The following FHIT variants were observed in gnomAD, a reference collection of about 807,000 sequenced individuals.
The protein encoded by FHIT is fragile histidine triad diadenosine triphosphatase, also known as bis(5'-adenosyl)-triphosphatase.
FHIT carries 19 observed loss-of-function variants against 17.9 expected under a neutral mutation model. The observed-to-expected ratio is 1.06, with a 90% CI of 0.74 to 1.56. The LOEUF (loss-of-function observed/expected upper bound fraction) is 1.56, where lower values mean the gene tolerates loss of function less well. FHIT is among the 40% of genes most tolerant of loss of function. The probability of loss-of-function intolerance (pLI) is 0.00; values close to 1 mark genes in which losing one functional copy is unlikely to be tolerated. For synonymous variants in FHIT, 81 were observed against 69.7 expected (o/e 1.16, Z -0.81); for missense variants, 248 against 189.2 (o/e 1.31, Z -1.82).
intron 2 of FHIT, among the ~76,000 whole-genome samples, chr3:61,067,480 C>T (rs1559956176): frequency 6.6e-6 from 1 of 151,688 alleles, no homozygotes; most frequent in Admixed American, 6.6e-5. Context: ...TAAAGTATTG[C>T]CAACCCAAGA....
chr3:61,250,276 G>GGA (rs1560111900), intron 1 of FHIT, among the ~76,000 whole-genome samples: 1 of 152,242 alleles, frequency 6.6e-6, no homozygotes, highest in African/African-American at 2.4e-5. Context: ...AGCCAAGGAG[G>GGA]GAGAGTTCAG....
At chr3:60,999,620 G>T (rs1343182361) in intron 3 of FHIT, among the ~76,000 whole-genome samples, 1 of 151,614 alleles carries the variant, frequency 6.6e-6, no homozygotes, top group African/African-American at 2.4e-5. Context: ...TAAGGTCCTG[G>T]GAAACAGATT....
intron 1 of FHIT, among the ~76,000 whole-genome samples, chr3:61,229,671 G>A (rs1186299731): frequency 6.6e-6 from 1 of 152,132 alleles, no homozygotes; most frequent in African/African-American, 2.4e-5. Flanking sequence ...TGTCAAACGT[G>A]CAGCACAGGG....
intron 5 of FHIT, among the ~76,000 whole-genome samples, chr3:60,142,157 A>C (rs886803002): frequency 4.6e-5 from 7 of 152,184 alleles, no homozygotes; most frequent in Non-Finnish European, 1.0e-4. Context: ...AGAATGTAAG[A>C]TCTAAAGCCA....
chr3:60,030,069 T>C (rs1251380121), intron 5 of FHIT, among the ~76,000 whole-genome samples: 1 of 152,084 alleles, frequency 6.6e-6, no homozygotes, highest in African/African-American at 2.4e-5. Context: ...TGTGACTCCA[T>C]TTGATTCTGA....
At chr3:60,741,344 T>G (rs1176661642) in intron 4 of FHIT, among the ~76,000 whole-genome samples, 1 of 152,200 alleles carries the variant, frequency 6.6e-6, no homozygotes, top group Admixed American at 6.5e-5. Flanking sequence ...CAATCGAGTT[T>G]AAGGAGTTTG....
At chr3:60,047,378 T>G (rs183171732) in intron 5 of FHIT, among the ~76,000 whole-genome samples, 65 of 152,284 alleles carry the variant, frequency 4.3e-4, no homozygotes, top group Non-Finnish European at 8.5e-4. Flanking sequence ...CATATGGACA[T>G]TTACACATAT....
Position 60,561,040 on chromosome 3 carries a change from C to T in FHIT, c.-17-24061G>A, listed in dbSNP as rs368882951. On this transcript the variant is annotated intron_variant, in intron 4 of 9. Transcript: ENST00000492590. ...ATAATTGATACCCAACAAACATCAG[C>T]TGAATGAACAAATGGATTCATTCAT... Among the ~76,000 whole-genome samples the T allele has an allele frequency of 2.1e-3, 325 of 152,128 alleles. 2 individuals carry two copies. Among genetic ancestry groups the T allele is most frequent in the Middle Eastern group, 6.8e-3 (2 of 294 alleles).
chr3:59,929,363 GTTT>G (rs869243844), intron 7 of FHIT, among the ~76,000 whole-genome samples: 16 of 67,060 alleles, frequency 2.4e-4, no homozygotes, highest in Admixed American at 7.3e-4. Context: ...TGTTTTTTTG[GTTT>G]TTTTTTTTTT....
intron 8 of FHIT, among the ~76,000 whole-genome samples, chr3:59,905,637 CTA>C (rs1704551729): frequency 6.6e-6 from 1 of 152,118 alleles, no homozygotes; most frequent in Non-Finnish European, 1.5e-5. Context: ...TCAATAGACT[CTA>C]TGAGACTTAA....
intron 8 of FHIT, among the ~76,000 whole-genome samples, chr3:59,803,152 G>A (rs899555915): frequency 2.0e-5 from 3 of 152,064 alleles, no homozygotes; most frequent in East Asian, 3.9e-4. Flanking sequence ...TTAAAAGCTG[G>A]CAAAACACAT....
intron 5 of FHIT, among the ~76,000 whole-genome samples, chr3:60,070,565 T>C (rs1382130917): frequency 6.6e-6 from 1 of 151,070 alleles, no homozygotes; most frequent in South Asian, 2.1e-4. Context: ...GCTGGGTAGA[T>C]TAGGGAAGAC....
chr3:60,718,018 C>G (rs1322118531), intron 4 of FHIT, among the ~76,000 whole-genome samples: 1 of 152,118 alleles, frequency 6.6e-6, no homozygotes, highest in Non-Finnish European at 1.5e-5. Flanking sequence ...CCATAGTTTT[C>G]TGTTGTTATA....
chr3:59,750,614 G>C (rs1476100562), intron 9 of FHIT: 5 of 224,116 alleles, frequency 2.2e-5, no homozygotes, highest in African/African-American at 6.7e-5. Flanking sequence ...GTGCAGAGCT[G>C]ACAAACTTAT....
intron 5 of FHIT, among the ~76,000 whole-genome samples, chr3:60,148,904 C>G (rs1700348620): frequency 6.6e-6 from 1 of 152,178 alleles, no homozygotes; most frequent in African/African-American, 2.4e-5. Context: ...CTAATTTTCA[C>G]TCTGCTGTCC....
At chr3:61,200,566 T>A (rs1055771780) in intron 2 of FHIT, 51 bp downstream of exon 2, 1 of 152,550 alleles carries the variant, frequency 6.6e-6, no homozygotes, top group Non-Finnish European at 1.5e-5. Context: ...AAAAGAAAAA[T>A]CAATGTTGTA....
chr3:60,149,267 C>A (rs1700361756), intron 5 of FHIT, among the ~76,000 whole-genome samples: 1 of 151,726 alleles, frequency 6.6e-6, no homozygotes, highest in Admixed American at 6.6e-5. Context: ...AACTAGAACT[C>A]AAAGAGAGAA....
At chr3:60,289,432 A>G (rs1707878869) in intron 5 of FHIT, among the ~76,000 whole-genome samples, 1 of 152,212 alleles carries the variant, frequency 6.6e-6, no homozygotes, top group Non-Finnish European at 1.5e-5. Context: ...CCATGGCTCA[A>G]AGATCCTTGT....
chr3:60,390,856 TA>T (rs939627247), intron 5 of FHIT, among the ~76,000 whole-genome samples: 59 of 150,186 alleles, frequency 3.9e-4, no homozygotes, highest in African/African-American at 1.2e-3. Flanking sequence ...GTCAGAAAGC[TA>T]AAAAAAAAAT....
Sources: allele counts gnomAD v4.1 joint callset (sites outside exome capture counted in the v4.1 genomes callset), GRCh38; gene constraint gnomAD v4.1.1; transcripts MANE v1.5; gene names NCBI Gene and HGNC (gene_info 2026-07-23, HGNC 2026-07-21).